Variants in CRY1 observed in about 807,000 individuals in gnomAD.
CRY1 encodes cryptochrome circadian regulator 1, also known as cryptochrome-1.
In CRY1, 45 loss-of-function variants were observed where a neutral mutation model predicts 76.0. The observed-to-expected ratio is 0.59, with a 90% CI of 0.47 to 0.76. The LOEUF (loss-of-function observed/expected upper bound fraction) is 0.76, where lower values mean the gene tolerates loss of function less well. Ranked by LOEUF, CRY1 falls within the 30% of genes least tolerant of loss-of-function variation. The pLI is 0.00. For missense variants in CRY1, 587 were observed against 716.4 expected (o/e 0.82, Z 2.06); for synonymous variants, 248 against 244.0 (o/e 1.02, Z -0.15).
intron 10 of CRY1, among the ~76,000 whole-genome samples, chr12:106,995,194 C>T (rs1048447599): frequency 6.6e-6 from 1 of 152,152 alleles, no homozygotes; most frequent in Non-Finnish European, 1.5e-5. Context: ...CCCACTACCT[C>T]CTCCCCAGGT....
chr12:106,996,519 T>C (rs1952235472), intron 10 of CRY1, among the ~76,000 whole-genome samples: 1 of 152,256 alleles, frequency 6.6e-6, no homozygotes, highest in Admixed American at 6.5e-5. Flanking sequence ...ATGGTATTCC[T>C]GCTTCTAGAT....
chr12:106,992,845 C>T lies in CRY1; in HGVS notation c.1703G>A (p.Ser568Asn). Residue 568 changes from serine (S) to asparagine (N), a missense_variant, in exon 12 of 13, where the codon AGT (serine) becomes AAT (asparagine). Ser to Asn is a conservative substitution (Grantham distance 46). Coordinates refer to ENST00000008527, the MANE Select transcript of CRY1 (RefSeq NM_004075.5). ...AATACTCTGTGTGTCCTCTTCCTGA[C>T]TAGGACGTTTCCCACCACTGAGACC... ...GTGLSGGKRP[S>N]QEEDTQSIGP... 6.2e-7 allele frequency: 1 copy of T among 1,614,038 alleles called. No individual in the cohort carries two copies. The highest frequency in any genetic ancestry group is 8.5e-7 in the Non-Finnish European group (1 of 1,179,938).
intron 2 of CRY1, among the ~76,000 whole-genome samples, chr12:107,012,359 T>C (rs938765469): frequency 6.6e-6 from 1 of 152,206 alleles, no homozygotes; most frequent in Non-Finnish European, 1.5e-5. Flanking sequence ...CTACTCTGCC[T>C]GTGCAGAACA....
At chr12:107,072,230 A>G (rs977728008) in intron 1 of CRY1, among the ~76,000 whole-genome samples, 2 of 152,208 alleles carry the variant, frequency 1.3e-5, no homozygotes, top group African/African-American at 4.8e-5. Flanking sequence ...AAGGCCCAAT[A>G]CCAACTGACT....
rs571644974 is a variant in CRY1, at chr12:107,078,134, G to A, written c.158+14670C>T. The stretch of plus-strand genomic sequence containing the variant: ...CATGGCACAAACATAATTTGCATTG[G>A]TATGGGCAGAAAACATTTGTACTGC... On this transcript the variant is annotated intron_variant, in intron 1 of 12. Transcript: ENST00000008527. 8.9e-4 allele frequency among the ~76,000 whole-genome samples: 135 copies of A among 152,144 alleles called. 5 individuals are homozygous for A. The South Asian group carries it at 0.027, about 31-fold the overall frequency.
chr12:107,023,067 T>G (rs1398190933), intron 1 of CRY1, among the ~76,000 whole-genome samples: 1 of 151,154 alleles, frequency 6.6e-6, no homozygotes, highest in Non-Finnish European at 1.5e-5. Flanking sequence ...AATCTTATTA[T>G]TTGACTCATG....
chr12:107,009,394 C>T (rs1006501734), intron 2 of CRY1, among the ~76,000 whole-genome samples: 7 of 151,416 alleles, frequency 4.6e-5, no homozygotes, highest in African/African-American at 1.7e-4. Flanking sequence ...CAACAATTAG[C>T]CAGACGTGGT....
intron 1 of CRY1, among the ~76,000 whole-genome samples, chr12:107,042,690 A>G (rs973000894): frequency 6.6e-6 from 1 of 152,208 alleles, no homozygotes; most frequent in Non-Finnish European, 1.5e-5. Flanking sequence ...TGTATTTTGA[A>G]GAAAATAGCT....
At chr12:107,043,330 T>G (rs1952819660) in intron 1 of CRY1, among the ~76,000 whole-genome samples, 1 of 152,136 alleles carries the variant, frequency 6.6e-6, no homozygotes, top group African/African-American at 2.4e-5. Context: ...GTGCCCTGCA[T>G]CCCAGGAAAT....
At chr12:107,086,810 T>C (rs1482685460) in intron 1 of CRY1, among the ~76,000 whole-genome samples, 1 of 151,792 alleles carries the variant, frequency 6.6e-6, no homozygotes, top group Non-Finnish European at 1.5e-5. Context: ...TACAGAGAGA[T>C]TCTACTAGGC....
At chr12:107,051,644 A>G (rs987691757) in intron 1 of CRY1, among the ~76,000 whole-genome samples, 6 of 152,192 alleles carry the variant, frequency 3.9e-5, no homozygotes, top group Non-Finnish European at 8.8e-5. Context: ...ATAATCTTTG[A>G]TATGGGCCTT....
Position 107,081,668 on chromosome 12 carries a change from C to T in CRY1, c.158+11136G>A, listed in dbSNP as rs192991354. On this transcript the variant is annotated intron_variant, in intron 1 of 12. Coordinates refer to ENST00000008527, the MANE Select transcript of CRY1 (RefSeq NM_004075.5). ...GAGGCAACTTCTCTTCAGGAAGGTA[C>T]TATCTGTTAAGTGAGAGAGAGATTA... Among the ~76,000 whole-genome samples the T allele has an allele frequency of 1.5e-3, 228 of 152,160 alleles. 1 individual carries two copies. Among genetic ancestry groups the T allele is most frequent in the Non-Finnish European group, 1.8e-3 (123 of 67,946 alleles).
intron 1 of CRY1, among the ~76,000 whole-genome samples, chr12:107,069,226 A>ATT (rs78170490): frequency 1.5e-5 from 2 of 137,804 alleles, no homozygotes; most frequent in Non-Finnish European, 3.1e-5. Context: ...TTCCGTTTAA[A>ATT]TTTTTTTTTT....
intron 2 of CRY1, 52 bp downstream of exon 2, chr12:107,022,032 A>G: frequency 1.5e-6 from 2 of 1,308,816 alleles, no homozygotes; most frequent in African/African-American, 1.5e-5. Flanking sequence ...TTTACCAAAT[A>G]TGTAATATTA....
At chr12:106,997,769 C>T in intron 8 of CRY1, 79 bp from the exon 9 acceptor site, 2 of 1,547,744 alleles carry the variant, frequency 1.3e-6, no homozygotes, top group South Asian at 2.3e-5. Context: ...AGACCAAAAT[C>T]AAATCAAGAC....
intron 1 of CRY1, among the ~76,000 whole-genome samples, chr12:107,075,134 C>CT (rs1321302736): frequency 5.3e-5 from 8 of 152,276 alleles, no homozygotes; most frequent in Middle Eastern, 3.4e-3. Flanking sequence ...GCCATGCTGA[C>CT]TGATGGACAT....
intron 1 of CRY1, among the ~76,000 whole-genome samples, chr12:107,070,664 A>ATTTTTTTT (rs61257299): frequency 1.4e-5 from 2 of 142,088 alleles, no homozygotes; most frequent in Non-Finnish European, 3.1e-5. Flanking sequence ...GGATTCTCTT[A>ATTTTTTTT]TTTTTATTTA....
chr12:107,022,608 C>T (rs1952571479), intron 1 of CRY1, among the ~76,000 whole-genome samples: 1 of 150,846 alleles, frequency 6.6e-6, no homozygotes, highest in South Asian at 2.1e-4. Flanking sequence ...AAACCAGAAA[C>T]ATCCTATGTA....
At chr12:107,053,855 C>T (rs928523844) in intron 1 of CRY1, among the ~76,000 whole-genome samples, 6 of 152,088 alleles carry the variant, frequency 3.9e-5, no homozygotes, top group African/African-American at 1.4e-4. Context: ...AGATATTACC[C>T]CCAAAAAAAG....
Sources: allele counts gnomAD v4.1 joint callset (sites outside exome capture counted in the v4.1 genomes callset), GRCh38; gene constraint gnomAD v4.1.1; transcripts MANE v1.5; gene names NCBI Gene and HGNC (gene_info 2026-07-23, HGNC 2026-07-21).